RNF180: variants seen among roughly 807,000 people sequenced by gnomAD.
RNF180 encodes ring finger protein 180.
A neutral mutation model predicts 59.2 loss-of-function variants in RNF180; 38 were observed. The ratio of observed to expected loss-of-function variants is 0.64; its 90% confidence interval spans 0.50 to 0.84. The LOEUF (loss-of-function observed/expected upper bound fraction) is 0.84. RNF180 is among the 40% of genes least tolerant of loss of function. RNF180 has a pLI of 0.00. For missense variants in RNF180, 705 were observed against 700.9 expected, an observed-to-expected ratio of 1.01 and a Z score of -0.07; for synonymous variants, 262 against 240.3, an observed-to-expected ratio of 1.09 and a Z score of -0.84.
At chr5:64,339,552 G>A (rs1745276450) in intron 7 of RNF180, among the ~76,000 whole-genome samples, 1 of 152,120 alleles carries the variant, frequency 6.6e-6, no homozygotes, top group South Asian at 2.1e-4. Flanking sequence ...TGCCATCTAT[G>A]CAACATTAAT....
chr5:64,343,977 C>T (rs565293381), intron 7 of RNF180, among the ~76,000 whole-genome samples: 93 of 151,494 alleles, frequency 6.1e-4, no homozygotes, highest in Non-Finnish European at 1.2e-3. Context: ...TGAAGACAGA[C>T]ATCAGTACCT....
At chr5:64,172,581 T>C (rs1749997697) in intron 1 of RNF180, among the ~76,000 whole-genome samples, 1 of 152,252 alleles carries the variant, frequency 6.6e-6, no homozygotes, top group Non-Finnish European at 1.5e-5. Context: ...TTGCAGCACT[T>C]AGATCATGTC....
intron 1 of RNF180, among the ~76,000 whole-genome samples, chr5:64,192,208 G>A (rs773034752): frequency 6.6e-6 from 1 of 151,350 alleles, no homozygotes; most frequent in African/African-American, 2.4e-5. Context: ...CTAGATACAT[G>A]AAAGGGTTCT....
At position 64,229,645 on chromosome 5, in the gene RNF180, G is replaced by C. The variant is rs151009484; in HGVS notation, c.1227+12249G>C. 7.9e-5 allele frequency among the ~76,000 whole-genome samples: 12 copies of C among 152,268 alleles called. No individual in the cohort carries two copies. In the East Asian group the frequency reaches 2.3e-3, roughly 29 times the overall value. On this transcript the variant is annotated intron_variant, in intron 5 of 7. Coordinates refer to ENST00000389100, the MANE Select transcript of RNF180 (RefSeq NM_001113561.2). Reference sequence around the variant, plus strand: ...CAGAGGGAATAAAACAGCTACTCTGGGTTAATGCTTGGGATAACTTATTTT... The same window carrying C: ...CAGAGGGAATAAAACAGCTACTCTGCGTTAATGCTTGGGATAACTTATTTT...
chr5:64,275,007 T>A (rs1188489987), intron 5 of RNF180, among the ~76,000 whole-genome samples: 1 of 151,980 alleles, frequency 6.6e-6, no homozygotes, highest in East Asian at 1.9e-4. Context: ...AGTTAGCATA[T>A]GTTAGAAATC....
chr5:64,242,037 C>G (rs907345570), intron 5 of RNF180, among the ~76,000 whole-genome samples: 6 of 152,204 alleles, frequency 3.9e-5, no homozygotes, highest in African/African-American at 1.4e-4. Flanking sequence ...ACTGATTCCA[C>G]TGGCCTCAGG....
rs1374759587 is a variant in RNF180, at chr5:64,370,670, T to C, written c.*856T>C. On this transcript the variant is annotated 3_prime_UTR_variant, in exon 8 of 8. Transcript: ENST00000389100. Reference sequence around the variant, plus strand: ...GTATTGTTATAAATAGGCTTATCGATTTTAGAAAGAAAACCTGACATTTTT... The same window carrying C: ...GTATTGTTATAAATAGGCTTATCGACTTTAGAAAGAAAACCTGACATTTTT... 6.6e-6 allele frequency: 1 copy of C among 151,688 alleles called. No individual in the cohort carries two copies. Among genetic ancestry groups the C allele is most frequent in the Non-Finnish European group, 1.5e-5 (1 of 67,762 alleles). 9.4% of individuals were successfully genotyped at this position (151,688 alleles called of 1,614,324 possible).
intron 5 of RNF180, among the ~76,000 whole-genome samples, chr5:64,289,779 CTTCTG>C (rs1392182434): frequency 1.3e-5 from 2 of 151,960 alleles, no homozygotes; most frequent in Non-Finnish European, 2.9e-5. Context: ...ATTGTTCTCT[CTTCTG>C]TTCTTTATTA....
At chr5:64,276,318 T>TC (rs1741708497) in intron 5 of RNF180, among the ~76,000 whole-genome samples, 1 of 76,752 alleles carries the variant, frequency 1.3e-5, no homozygotes, top group Non-Finnish European at 2.6e-5. Context: ...AAAAATACAT[T>TC]GGTGTGTGTG....
chr5:64,248,249 T>G (rs896927551), intron 5 of RNF180, among the ~76,000 whole-genome samples: 1 of 152,038 alleles, frequency 6.6e-6, no homozygotes, highest in African/African-American at 2.4e-5. Flanking sequence ...AAAGCCAAAA[T>G]AGACAAATGG....
chr5:64,342,491 T>G (rs1745394098), intron 7 of RNF180, among the ~76,000 whole-genome samples: 2 of 152,014 alleles, frequency 1.3e-5, no homozygotes, highest in African/African-American at 4.8e-5. Context: ...GCTGAGAGCT[T>G]TGGGAGTAAA....
At chr5:64,195,309 TTTACTAATATAGGAA>T (rs1259076335) in intron 1 of RNF180, among the ~76,000 whole-genome samples, 1 of 152,200 alleles carries the variant, frequency 6.6e-6, no homozygotes, top group African/African-American at 2.4e-5. Flanking sequence ...ACCAAGCATA[TTTACTAATATAGGAA>T]AGTTTTATAT....
At chr5:64,301,703 G>A (rs1246522921) in intron 5 of RNF180, among the ~76,000 whole-genome samples, 2 of 120,662 alleles carry the variant, frequency 1.7e-5, no homozygotes, top group Non-Finnish European at 3.7e-5. Context: ...ACATCAGAAT[G>A]TGTGTGTGTG....
chr5:64,371,332 A>G lies in RNF180; in HGVS notation c.*1518A>G, dbSNP rs1746653473. 6.6e-6 allele frequency: 1 copy of G among 151,660 alleles called. No individual in the cohort carries two copies. Among genetic ancestry groups the G allele is most frequent in the Admixed American group, 6.6e-5 (1 of 15,170 alleles). 9.4% of individuals were successfully genotyped at this position (151,660 alleles called of 1,614,324 possible). The stretch of plus-strand genomic sequence containing the variant: ...CATAAGGGAAAATATCAGCTCTCTT[A>G]AAATATATAGCAAGATTGAAAACAC... On this transcript the variant is annotated 3_prime_UTR_variant, in exon 8 of 8. Coordinates refer to ENST00000389100, the MANE Select transcript of RNF180 (RefSeq NM_001113561.2).
At chr5:64,328,145 C>T (rs1030762415) in intron 6 of RNF180, among the ~76,000 whole-genome samples, 3 of 152,090 alleles carry the variant, frequency 2.0e-5, no homozygotes, top group African/African-American at 7.2e-5. Flanking sequence ...GATCTCATTT[C>T]CAAGGACATT....
At position 64,165,928 on chromosome 5, in the gene RNF180, C is replaced by G. The variant is rs934213444; in HGVS notation, c.-26C>G. On this transcript the variant is annotated 5_prime_UTR_variant, in exon 1 of 8. Coordinates refer to ENST00000389100, the MANE Select transcript of RNF180 (RefSeq NM_001113561.2). ...GGGAGCGCCGGGACGGGGCGCGAAG[C>G]CGGAGGCTCCGGGACGTGGATACAG... 2.0e-5 allele frequency: 3 copies of G among 152,322 alleles called. No homozygotes were observed. The highest frequency in any genetic ancestry group is 7.2e-5 in the African/African-American group (3 of 41,418). 9.4% of individuals were successfully genotyped at this position (152,322 alleles called of 1,614,324 possible). A position where few individuals can be genotyped will look rare whatever the true frequency, so the allele number is the denominator to read the frequency against.
intron 7 of RNF180, among the ~76,000 whole-genome samples, chr5:64,337,713 G>C (rs1463559141): frequency 7.4e-6 from 1 of 134,460 alleles, no homozygotes; most frequent in African/African-American, 2.9e-5. Flanking sequence ...GTGTCCATGT[G>C]TTCTCATTGT....
At chr5:64,359,711 A>ATGC (rs1746171125) in intron 7 of RNF180, among the ~76,000 whole-genome samples, 1 of 151,854 alleles carries the variant, frequency 6.6e-6, no homozygotes, top group African/African-American at 2.4e-5. Context: ...GTCCTTGCCC[A>ATGC]TGCCTATGTC....
At chr5:64,365,977 A>G (rs1186271824) in intron 7 of RNF180, among the ~76,000 whole-genome samples, 1 of 151,310 alleles carries the variant, frequency 6.6e-6, no homozygotes, top group Non-Finnish European at 1.5e-5. Flanking sequence ...TTTACATTCA[A>G]GGTTAATATT....
Sources: allele counts gnomAD v4.1 joint callset (sites outside exome capture counted in the v4.1 genomes callset), GRCh38; gene constraint gnomAD v4.1.1; transcripts MANE v1.5; gene names NCBI Gene and HGNC (gene_info 2026-07-23, HGNC 2026-07-21).